TBCA: variants seen among roughly 807,000 people sequenced by gnomAD.
TBCA encodes tubulin-specific chaperone A.
In TBCA, 6 loss-of-function variants were observed where a neutral mutation model predicts 15.8. That is an observed-to-expected ratio of 0.38 (90% CI 0.21 to 0.75). TBCA has a LOEUF of 0.75. TBCA is among the 30% of genes least tolerant of loss of function. The probability of loss-of-function intolerance (pLI) is 0.46; values close to 1 mark genes in which losing one functional copy is unlikely to be tolerated. For synonymous variants in TBCA, 32 were observed against 42.3 expected, an observed-to-expected ratio of 0.76 and a Z score of 0.94; for missense variants, 90 against 131.2, an observed-to-expected ratio of 0.69 and a Z score of 1.53.
At chr5:77,704,969 C>T (rs373208809) in intron 2 of TBCA, among the ~76,000 whole-genome samples, 6 of 152,100 alleles carry the variant, frequency 3.9e-5, no homozygotes, top group African/African-American at 1.4e-4. Flanking sequence ...AGGGTAGAAA[C>T]AACTTTTGAA....
chr5:77,709,071 G>A (rs778850999), intron 1 of TBCA, among the ~76,000 whole-genome samples: 1 of 151,032 alleles, frequency 6.6e-6, no homozygotes, highest in Non-Finnish European at 1.5e-5. Flanking sequence ...TACTGGCAGG[G>A]GAAAATTCAG....
chr5:77,739,343 C>T (rs1251223498), intron 1 of TBCA, among the ~76,000 whole-genome samples: 5 of 152,132 alleles, frequency 3.3e-5, no homozygotes, highest in African/African-American at 1.2e-4. Flanking sequence ...CACCTGTAAT[C>T]CCAGCTACTC....
chr5:77,744,005 T>C (rs916405437), intron 1 of TBCA, among the ~76,000 whole-genome samples: 1 of 152,152 alleles, frequency 6.6e-6, no homozygotes, highest in East Asian at 1.9e-4. Context: ...GTATGACATA[T>C]ACAACTGAGT....
chr5:77,759,528 CT>C (rs2112504696), intron 1 of TBCA, among the ~76,000 whole-genome samples: 2 of 152,174 alleles, frequency 1.3e-5, no homozygotes, highest in African/African-American at 4.8e-5. Flanking sequence ...TATGGGGGGC[CT>C]TTGAATTTTA....
At chr5:77,697,686 TTTTAA>T (rs1382321169) in intron 2 of TBCA, among the ~76,000 whole-genome samples, 8 of 152,096 alleles carry the variant, frequency 5.3e-5, no homozygotes, top group African/African-American at 1.9e-4. Context: ...AATAATCTTG[TTTTAA>T]TTTAATTTAA....
chr5:77,775,872 A>T (rs1034131265), intron 1 of TBCA, among the ~76,000 whole-genome samples: 1 of 151,788 alleles, frequency 6.6e-6, no homozygotes, highest in Non-Finnish European at 1.5e-5. Flanking sequence ...CGCACACAGG[A>T]GGCACGGGAT....
intron 2 of TBCA, among the ~76,000 whole-genome samples, chr5:77,694,498 TAA>T (rs1745829805): frequency 6.6e-6 from 1 of 152,194 alleles, no homozygotes; most frequent in Admixed American, 6.5e-5. Flanking sequence ...ACCCAATTGA[TAA>T]GAGTAAATAA....
At chr5:77,765,480 C>T (rs2112513146) in intron 1 of TBCA, among the ~76,000 whole-genome samples, 1 of 152,300 alleles carries the variant, frequency 6.6e-6, no homozygotes, top group South Asian at 2.1e-4. Flanking sequence ...AGCCAGGAAA[C>T]TCTCATAGAG....
chr5:77,768,326 A>C (rs1747832445), intron 1 of TBCA, among the ~76,000 whole-genome samples: 1 of 152,204 alleles, frequency 6.6e-6, no homozygotes. Flanking sequence ...CAAAAAAAAC[A>C]GGTACTTTCA....
At chr5:77,699,032 T>TCAAAAAAA (rs1745939164) in intron 2 of TBCA, among the ~76,000 whole-genome samples, 1 of 22,528 alleles carries the variant, frequency 4.4e-5, no homozygotes, top group East Asian at 1.6e-3. Flanking sequence ...TGCAAGAGCA[T>TCAAAAAAA]CAAAAAAAAA....
chr5:77,745,663 G>A (rs534687154), intron 1 of TBCA, among the ~76,000 whole-genome samples: 3 of 152,332 alleles, frequency 2.0e-5, no homozygotes, highest in East Asian at 3.9e-4. Flanking sequence ...GAATAACAAA[G>A]TTCTGGTGAA....
At chr5:77,727,611 C>CAA (rs1355519402) in intron 1 of TBCA, among the ~76,000 whole-genome samples, 4 of 152,100 alleles carry the variant, frequency 2.6e-5, no homozygotes, top group African/African-American at 9.7e-5. Context: ...ATAAGCTACA[C>CAA]AAATCGAAGA....
At chr5:77,721,852 C>T (rs1316341531) in intron 1 of TBCA, among the ~76,000 whole-genome samples, 1 of 151,946 alleles carries the variant, frequency 6.6e-6, no homozygotes, top group African/African-American at 2.4e-5. Context: ...CACCTGTTTA[C>T]TCAAAGTAAA....
intron 1 of TBCA, among the ~76,000 whole-genome samples, chr5:77,754,595 C>A (rs188312225): frequency 6.6e-6 from 1 of 152,100 alleles, no homozygotes; most frequent in East Asian, 1.9e-4. Context: ...ATTTTTATAT[C>A]CTGTGAATTT....
At chr5:77,764,975 T>A (rs1327119414) in intron 1 of TBCA, among the ~76,000 whole-genome samples, 2 of 152,016 alleles carry the variant, frequency 1.3e-5, no homozygotes, top group Non-Finnish European at 1.5e-5. Flanking sequence ...TTTTTAAATA[T>A]TTAGTTAGAA....
At chr5:77,711,186 CATAA>C (rs1474507392) in intron 1 of TBCA, among the ~76,000 whole-genome samples, 1 of 152,058 alleles carries the variant, frequency 6.6e-6, no homozygotes, top group Non-Finnish European at 1.5e-5. Context: ...ATTTAATATC[CATAA>C]ATAAAGTTTT....
At chr5:77,770,886 A>C (rs941030339) in intron 1 of TBCA, among the ~76,000 whole-genome samples, 45 of 152,212 alleles carry the variant, frequency 3.0e-4, no homozygotes, top group African/African-American at 1.0e-3. Flanking sequence ...CTATAATTCC[A>C]GCACTTTGGG....
intron 1 of TBCA, among the ~76,000 whole-genome samples, chr5:77,720,520 CT>C (rs1746508062): frequency 6.6e-6 from 1 of 152,016 alleles, no homozygotes; most frequent in Non-Finnish European, 1.5e-5. Context: ...TCAAGACCAG[CT>C]TGGCCAACAT....
intron 2 of TBCA, chr5:77,694,131 A>T (rs456666): frequency 0.38 from 58,248 of 152,090 alleles, 11,212 homozygotes; most frequent in South Asian, 0.41. Flanking sequence ...GTTATTGATC[A>T]CATCGTGTGC....
Sources: allele counts gnomAD v4.1 joint callset (sites outside exome capture counted in the v4.1 genomes callset), GRCh38; gene constraint gnomAD v4.1.1; transcripts MANE v1.5; gene names NCBI Gene and HGNC (gene_info 2026-07-23, HGNC 2026-07-21).